The following UXS1 variants were observed in gnomAD, a reference collection of about 807,000 sequenced individuals.
UXS1 encodes the protein UDP-glucuronate decarboxylase 1.
In UXS1, 33 loss-of-function variants were observed where a neutral mutation model predicts 62.6. The ratio of observed to expected loss-of-function variants is 0.53; its 90% CI spans 0.40 to 0.70. The LOEUF is 0.70. Ranked by LOEUF, UXS1 falls within the 30% of genes least tolerant of loss-of-function variation. UXS1 has a pLI of 0.00. For missense variants in UXS1, 434 were observed against 556.3 expected, an observed-to-expected ratio of 0.78 and a Z score of 2.21; for synonymous variants, 213 against 206.8, an observed-to-expected ratio of 1.03 and a Z score of -0.26.
At chr2:106,145,434 A>G (rs1681487108) in intron 5 of UXS1, 64 bp from the exon 6 acceptor site, 2 of 1,502,362 alleles carry the variant, frequency 1.3e-6, no homozygotes, top group Non-Finnish European at 1.8e-6. Context: ...AGTGAGGACC[A>G]GCTCCACGGA....
chr2:106,178,796 C>T (rs985097931), intron 1 of UXS1, among the ~76,000 whole-genome samples: 10 of 150,644 alleles, frequency 6.6e-5, no homozygotes, highest in Non-Finnish European at 8.9e-5. Context: ...CCATCACCTG[C>T]GGCAAGCTGG....
At chr2:106,155,532 C>T (rs1171378654) in intron 5 of UXS1, among the ~76,000 whole-genome samples, 1 of 152,172 alleles carries the variant, frequency 6.6e-6, no homozygotes, top group Non-Finnish European at 1.5e-5. Context: ...CACAGATGAA[C>T]ACAAATACTT....
At position 106,131,050 on chromosome 2, in the gene UXS1, C is replaced by T. The variant is rs1262558755; in HGVS notation, c.473-1272G>A. Among the ~76,000 whole-genome samples the T allele has an allele frequency of 2.0e-5, 3 of 150,444 alleles. No homozygotes were observed. The East Asian group carries it at 6.0e-4, about 30-fold the overall frequency. On this transcript the variant is annotated intron_variant, in intron 6 of 14. Transcript: ENST00000283148. ...GTGGGCGCAGGCCAGTGTGTGCGCGCACCGTGCGCGAGCCGAAGCAGGGCG... is the reference window on the plus strand; with the variant it reads ...GTGGGCGCAGGCCAGTGTGTGCGCGTACCGTGCGCGAGCCGAAGCAGGGCG...
chr2:106,151,693 T>TA (rs1308080341), intron 5 of UXS1, among the ~76,000 whole-genome samples: 1 of 152,096 alleles, frequency 6.6e-6, no homozygotes, highest in Non-Finnish European at 1.5e-5. Context: ...AACAAAACAT[T>TA]AAAAAAATTA....
intron 1 of UXS1, among the ~76,000 whole-genome samples, chr2:106,169,679 C>A (rs531018640): frequency 8.3e-4 from 126 of 152,282 alleles, no homozygotes; most frequent in African/African-American, 2.1e-3. Context: ...AAAAGTGAGA[C>A]CCTGTCTCAG....
intron 1 of UXS1, among the ~76,000 whole-genome samples, chr2:106,178,005 A>C (rs986797528): frequency 6.6e-6 from 1 of 152,246 alleles, no homozygotes; most frequent in Non-Finnish European, 1.5e-5. Context: ...GACAAAGAAC[A>C]GAGTCAAATG....
chr2:106,128,563 A>G (rs1166983600), intron 7 of UXS1, among the ~76,000 whole-genome samples: 1 of 152,204 alleles, frequency 6.6e-6, no homozygotes, highest in Non-Finnish European at 1.5e-5. Flanking sequence ...TCAACTGCTT[A>G]CACAGAACAT....
In UXS1 at chr2:106,168,122, T is replaced by C. The variant is rs147767217; in HGVS notation, c.95-2039A>G. Among the ~76,000 whole-genome samples, 561 of 152,148 alleles carry C rather than the reference T, an allele frequency of 3.7e-3. 4 individuals are homozygous for C. The highest frequency in any genetic ancestry group is 0.012 in the African/African-American group (516 of 41,510). On this transcript the variant is annotated intron_variant, in intron 1 of 14. Coordinates refer to ENST00000283148, the MANE Select transcript of UXS1 (RefSeq NM_001253875.2). Reference sequence around the variant, plus strand: ...GTTACAGTGGGCTGAGACCACACCATTGCACTCCAGCCTGGGCAACAAGAA... The same window carrying C: ...GTTACAGTGGGCTGAGACCACACCACTGCACTCCAGCCTGGGCAACAAGAA...
In UXS1 at chr2:106,129,737, T is replaced by C; in HGVS notation, c.514A>G (p.Asn172Asp). The change falls in exon 7 of 15, where the codon AAC (asparagine) becomes GAC (aspartate). Residue 172 changes from asparagine to aspartate, a missense_variant. By Grantham distance (23) the Asn-to-Asp change is conservative. Transcript: ENST00000283148. ...YHLASPASPP[N>D]YMYNPIKTLK... ...GTCTTGATAGGATTATACATGTAGT[T>C]TGGAGGGGAGGCTGGAGATGCCAGA... is the stretch of plus-strand genomic sequence containing the variant. 1 of 1,612,034 alleles carries C rather than the reference T, an allele frequency of 6.2e-7. No homozygotes were observed. Among genetic ancestry groups the C allele is most frequent in the Non-Finnish European group, 8.5e-7 (1 of 1,178,972 alleles).
At chr2:106,099,775 G>A (rs1341067299) in intron 12 of UXS1, among the ~76,000 whole-genome samples, 1 of 152,194 alleles carries the variant, frequency 6.6e-6, no homozygotes, top group African/African-American at 2.4e-5. Flanking sequence ...ACAGGCAAAT[G>A]CTGCAAGCAA....
chr2:106,159,544 G>A (rs767248823), intron 4 of UXS1, among the ~76,000 whole-genome samples: 1 of 152,120 alleles, frequency 6.6e-6, no homozygotes, highest in African/African-American at 2.4e-5. Flanking sequence ...AATATAAAAC[G>A]TCCAGTGAGA....
In UXS1 at chr2:106,096,602, C is replaced by T. The variant is rs116117634; in HGVS notation, c.1146+116G>A. 1,922 of 821,688 alleles carry T rather than the reference C, an allele frequency of 2.3e-3. 36 individuals carry two copies. The African/African-American group carries it at 0.029, about 12-fold the overall frequency. 50.9% of individuals were successfully genotyped at this position (821,688 alleles called of 1,614,324 possible). A position where few individuals can be genotyped will look rare whatever the true frequency, so the allele number is the denominator to read the frequency against. Reference sequence around the variant, plus strand: ...AGAAAACCCTCTATCTGCCTGGATGCCGAGCCCACCTTGCTCCTCCGGGGG... The same window carrying T: ...AGAAAACCCTCTATCTGCCTGGATGTCGAGCCCACCTTGCTCCTCCGGGGG... On this transcript the variant is annotated intron_variant, in intron 14 of 14. Coordinates refer to ENST00000283148, the MANE Select transcript of UXS1 (RefSeq NM_001253875.2).
chr2:106,120,937 G>A (rs1169591672), intron 9 of UXS1, among the ~76,000 whole-genome samples: 1 of 152,180 alleles, frequency 6.6e-6, no homozygotes, highest in African/African-American at 2.4e-5. Context: ...GACCACACGG[G>A]GGGCTTCTAA....
chr2:106,096,677 AGGC>A, intron 14 of UXS1, 38 bp downstream of exon 14: 1 of 1,510,154 alleles, frequency 6.6e-7, no homozygotes, highest in South Asian at 1.3e-5. Context: ...AGGACACGGG[AGGC>A]CCCTCCCCAC....
chr2:106,148,775 A>G (rs1681785886), intron 5 of UXS1, among the ~76,000 whole-genome samples: 1 of 152,254 alleles, frequency 6.6e-6, no homozygotes. Flanking sequence ...AAGCTCTATC[A>G]GGAACACTAA....
intron 1 of UXS1, among the ~76,000 whole-genome samples, chr2:106,184,974 T>C (rs546215245): frequency 1.0e-3 from 159 of 152,336 alleles, no homozygotes; most frequent in Non-Finnish European, 2.0e-3. Context: ...ACTTCAGGCA[T>C]GTTCATCAAA....
At chr2:106,156,787 A>G (rs1395105239) in intron 5 of UXS1, among the ~76,000 whole-genome samples, 2 of 152,216 alleles carry the variant, frequency 1.3e-5, no homozygotes, top group African/African-American at 4.8e-5. Flanking sequence ...TACAGCCATA[A>G]CCATTGTGCA....
At chr2:106,095,504 G>A (rs1677000917) in intron 14 of UXS1, among the ~76,000 whole-genome samples, 1 of 152,210 alleles carries the variant, frequency 6.6e-6, no homozygotes, top group African/African-American at 2.4e-5. Flanking sequence ...CTCTGACTAT[G>A]CACATTTTAA....
intron 1 of UXS1, among the ~76,000 whole-genome samples, chr2:106,180,526 G>C (rs1418088777): frequency 1.3e-5 from 2 of 152,152 alleles, no homozygotes; most frequent in Non-Finnish European, 2.9e-5. Flanking sequence ...CTTAGAGCTG[G>C]AAATAAGATA....
Sources: allele counts gnomAD v4.1 joint callset (sites outside exome capture counted in the v4.1 genomes callset), GRCh38; gene constraint gnomAD v4.1.1; transcripts MANE v1.5; gene names NCBI Gene and HGNC (gene_info 2026-07-23, HGNC 2026-07-21).